The following SRGAP1 variants were observed in gnomAD, a reference collection of about 807,000 sequenced individuals.
SRGAP1 encodes SLIT-ROBO Rho GTPase activating protein 1.
Under a neutral mutation model 121.9 loss-of-function variants are expected in SRGAP1, and 43 were observed. That is an observed-to-expected ratio of 0.35 (90% CI 0.28 to 0.46). The LOEUF (loss-of-function observed/expected upper bound fraction) is 0.46, where lower values mean the gene tolerates loss of function less well. Among genes scored for constraint, SRGAP1 ranks in the 20% least tolerant of loss-of-function variants. SRGAP1 has a pLI of 1.00. For synonymous variants in SRGAP1, 447 were observed against 485.4 expected, an observed-to-expected ratio of 0.92 and a Z score of 1.04; for missense variants, 1,102 against 1,350.9, an observed-to-expected ratio of 0.82 and a Z score of 2.89.
intron 1 of SRGAP1, among the ~76,000 whole-genome samples, chr12:63,881,547 ACTTTT>A (rs1216692074): frequency 6.6e-6 from 1 of 152,110 alleles, no homozygotes; most frequent in Non-Finnish European, 1.5e-5. Context: ...TTTGAGCCTC[ACTTTT>A]CTTATCTGTA....
At chr12:63,989,761 A>T (rs574361108) in intron 2 of SRGAP1, 149 bp from the exon 3 acceptor site, 1 of 587,334 alleles carries the variant, frequency 1.7e-6, no homozygotes, top group Admixed American at 3.4e-5. Context: ...CTGCTGGCTG[A>T]TAAGTGTCCT....
At chr12:64,127,521 C>A (rs1024712257) in intron 19 of SRGAP1, 69 bp from the exon 20 acceptor site, 7 of 1,486,992 alleles carry the variant, frequency 4.7e-6, no homozygotes, top group Non-Finnish European at 4.5e-6. Context: ...TTCATCTCCA[C>A]TCATCTAGCA....
intron 1 of SRGAP1, chr12:63,872,094 C>G (rs1015940439): frequency 5.3e-5 from 34 of 646,502 alleles, no homozygotes; most frequent in Admixed American, 3.3e-4. Flanking sequence ...GAAACAGTGT[C>G]CGAGACCCTT....
intron 18 of SRGAP1, among the ~76,000 whole-genome samples, chr12:64,120,881 C>G (rs1409345181): frequency 6.6e-6 from 1 of 151,944 alleles, no homozygotes; most frequent in Non-Finnish European, 1.5e-5. Flanking sequence ...GTCTTGATAG[C>G]TTATTAATGC....
At position 63,877,814 on chromosome 12, in the gene SRGAP1, C is replaced by T. The variant is rs903643104; in HGVS notation, c.67+32931C>T. Among the ~76,000 whole-genome samples the T allele has an allele frequency of 2.0e-5, 3 of 152,168 alleles. No homozygotes were observed. In the South Asian group the frequency reaches 6.2e-4, roughly 32 times the overall value. On this transcript the variant is annotated intron_variant, in intron 1 of 21. Transcript: ENST00000355086. ...TTCTAGTCAGGTTACTGAATCTTGC[C>T]AGGCCTTAGTGGCCCCACCTTCGTA...
intron 1 of SRGAP1, among the ~76,000 whole-genome samples, chr12:63,960,899 C>T (rs918634831): frequency 2.0e-4 from 30 of 152,142 alleles, no homozygotes; most frequent in African/African-American, 5.3e-4. Context: ...CTCCAGAAGT[C>T]GCTAGCCTTC....
chr12:64,030,810 G>A (rs926161287), intron 4 of SRGAP1, among the ~76,000 whole-genome samples: 3 of 152,124 alleles, frequency 2.0e-5, no homozygotes, highest in African/African-American at 7.2e-5. Context: ...ATTTAACAGT[G>A]TGCTAGACAG....
rs540665725 is a variant in SRGAP1 at position 63,979,811 on chromosome 12, G to T, written c.68-4136G>T. On this transcript the variant is annotated intron_variant, in intron 1 of 21. Transcript: ENST00000355086. ...CTAACCTAAAAACGCCTCTAAAAAG[G>T]GGTGGGAGCCTTAATAGACTGTCAG... Among the ~76,000 whole-genome samples the T allele has an allele frequency of 2.6e-5, 4 of 152,260 alleles. No individual in the cohort carries two copies. The East Asian group carries it at 7.7e-4, about 29-fold the overall frequency.
intron 4 of SRGAP1, among the ~76,000 whole-genome samples, chr12:64,037,975 A>G (rs2034934476): frequency 6.6e-6 from 1 of 152,160 alleles, no homozygotes; most frequent in African/African-American, 2.4e-5. Context: ...AGGCCTTCCA[A>G]TTGTATGATA....
rs1310950412 is a variant in SRGAP1, at chr12:64,155,991, T to C, written c.*13319T>C. On this transcript the variant is annotated 3_prime_UTR_variant, in exon 22 of 22. Coordinates refer to ENST00000355086, the MANE Select transcript of SRGAP1 (RefSeq NM_020762.4). ...TGCTAACTGCTTTCATATTATCGGA[T>C]TTAGTCCTGTAAGACCGGAATCATT... 1 of 152,208 alleles carries C rather than the reference T, an allele frequency of 6.6e-6. No individual in the cohort carries two copies. The highest frequency in any genetic ancestry group is 1.9e-4 in the East Asian group (1 of 5,194). 9.4% of individuals were successfully genotyped at this position (152,208 alleles called of 1,614,324 possible). A position where few individuals can be genotyped will look rare whatever the true frequency, so the allele number is the denominator to read the frequency against.
rs1044776267 is a variant in SRGAP1 at position 64,155,607 on chromosome 12, ATGTT to A, written c.*12946_*12949del. 2 of 151,660 alleles carry A rather than the reference ATGTT, an allele frequency of 1.3e-5. No homozygotes were observed. Among genetic ancestry groups the A allele is most frequent in the Non-Finnish European group, 2.9e-5 (2 of 67,946 alleles). 9.4% of individuals were successfully genotyped at this position (151,660 alleles called of 1,614,324 possible). ...AGTTCAGGCTTGTTAAATATTTTTT[ATGTT>A]TGTTTGTTTGCTTTGTTTTTTTTGA... On this transcript the variant is annotated 3_prime_UTR_variant, in exon 22 of 22. Transcript: ENST00000355086.
Position 64,147,766 on chromosome 12 carries a change from C to G in SRGAP1, c.*5094C>G, listed in dbSNP as rs2037076691. ...TGTACATTTTTGGCATGTACCATTA[C>G]AGGCTTCAGTATACAGTCAGGTTTG... On this transcript the variant is annotated 3_prime_UTR_variant, in exon 22 of 22. Coordinates refer to ENST00000355086, the MANE Select transcript of SRGAP1 (RefSeq NM_020762.4). 7.5e-6 allele frequency: 3 copies of G among 397,892 alleles called. No homozygotes were observed. Among genetic ancestry groups the G allele is most frequent in the Non-Finnish European group, 1.3e-5 (3 of 226,000 alleles). The allele number at this position is 397,892 out of a possible 1,614,324, so 24.6% of individuals were successfully genotyped here.
At position 63,975,305 on chromosome 12, in the gene SRGAP1, T is replaced by C. The variant is rs140560311; in HGVS notation, c.68-8642T>C. On this transcript the variant is annotated intron_variant, in intron 1 of 21. Transcript: ENST00000355086. Reference sequence around the variant, plus strand: ...TGCCTTGGGCATAGGTTTTGCCTTCTGATTAAGCCTGTCAAGTCCTCAAGG... The same window carrying C: ...TGCCTTGGGCATAGGTTTTGCCTTCCGATTAAGCCTGTCAAGTCCTCAAGG... 2.0e-3 allele frequency among the ~76,000 whole-genome samples: 298 copies of C among 152,304 alleles called. 2 individuals are homozygous for C. Among genetic ancestry groups the C allele is most frequent in the East Asian group, 0.014 (75 of 5,174 alleles).
At chr12:63,917,888 C>T (rs960056150) in intron 1 of SRGAP1, among the ~76,000 whole-genome samples, 4 of 151,316 alleles carry the variant, frequency 2.6e-5, no homozygotes, top group Admixed American at 6.6e-5. Flanking sequence ...TACAGAAAAC[C>T]GTGAATAAAT....
chr12:63,993,639 T>C (rs919423189), intron 3 of SRGAP1, among the ~76,000 whole-genome samples: 5 of 152,150 alleles, frequency 3.3e-5, no homozygotes, highest in African/African-American at 1.2e-4. Context: ...GTTTAGTCAA[T>C]GACAAAAAAT....
chr12:63,923,635 A>G (rs2031150862), intron 1 of SRGAP1, among the ~76,000 whole-genome samples: 1 of 152,234 alleles, frequency 6.6e-6, no homozygotes, highest in Admixed American at 6.5e-5. Context: ...TATTAGACTA[A>G]GCAAGACCCT....
intron 8 of SRGAP1, among the ~76,000 whole-genome samples, chr12:64,077,386 A>T (rs986022158): frequency 6.6e-6 from 1 of 151,650 alleles, no homozygotes; most frequent in Non-Finnish European, 1.5e-5. Context: ...TAAGCACTCG[A>T]CATCAAAGAA....
At chr12:64,086,854 T>G in intron 10 of SRGAP1, 145 bp from the exon 11 acceptor site, 1 of 609,402 alleles carries the variant, frequency 1.6e-6, no homozygotes, top group South Asian at 2.1e-5. Flanking sequence ...TATCTTCATA[T>G]GCTATCCTCA....
intron 12 of SRGAP1, among the ~76,000 whole-genome samples, chr12:64,091,589 A>T (rs1266377029): frequency 6.6e-6 from 1 of 152,198 alleles, no homozygotes; most frequent in Admixed American, 6.5e-5. Context: ...GAGTATTATT[A>T]TGTGGGCATA....
Sources: gnomAD v4.1 joint callset for allele counts (sites outside exome capture counted in the v4.1 genomes callset) on GRCh38, gnomAD v4.1.1 for gene constraint, MANE v1.5 for transcripts, NCBI Gene and HGNC (gene_info 2026-07-23, HGNC 2026-07-21) for gene names.